The following LHFPL3 variants were observed in gnomAD, a reference collection of about 807,000 sequenced individuals.
LHFPL3 encodes the protein LHFPL tetraspan subfamily member 3 protein.
In LHFPL3, 5 loss-of-function variants were observed where a neutral mutation model predicts 19.3. The observed-to-expected ratio is 0.26, with a 90% confidence interval of 0.14 to 0.54. LHFPL3 has a LOEUF of 0.54. Ranked by LOEUF, LHFPL3 falls within the 20% of genes least tolerant of loss-of-function variation. The pLI is 0.94. For synonymous variants in LHFPL3, 133 were observed against 126.2 expected, an observed-to-expected ratio of 1.05 and a Z score of -0.36; for missense variants, 249 against 307.4, an observed-to-expected ratio of 0.81 and a Z score of 1.42.
chr7:104,633,943 G>C (rs1485884104), intron 1 of LHFPL3, among the ~76,000 whole-genome samples: 4 of 152,174 alleles, frequency 2.6e-5, no homozygotes, highest in African/African-American at 9.7e-5. Flanking sequence ...CCAGCAGCTG[G>C]TGTTGGATAC....
chr7:104,770,675 A>G (rs35293298), intron 2 of LHFPL3, among the ~76,000 whole-genome samples: 20,786 of 152,170 alleles, frequency 0.14, 1,721 homozygotes, highest in Non-Finnish European at 0.19. Context: ...TCAGTAATCA[A>G]TCCTGGCACT....
chr7:104,486,519 T>C (rs1195129279), intron 1 of LHFPL3, among the ~76,000 whole-genome samples: 4 of 152,174 alleles, frequency 2.6e-5, no homozygotes, highest in Non-Finnish European at 5.9e-5. Flanking sequence ...TGTCCTCACA[T>C]GGTGAGAGGA....
chr7:104,879,929 T>C (rs1451521942), intron 2 of LHFPL3, among the ~76,000 whole-genome samples: 1 of 152,092 alleles, frequency 6.6e-6, no homozygotes, highest in Non-Finnish European at 1.5e-5. Flanking sequence ...TGTGATGGTA[T>C]GCCAGTAACT....
At chr7:104,833,033 A>ATATATATATTATATATAATAGATATGT (rs1790995509) in intron 2 of LHFPL3, among the ~76,000 whole-genome samples, 1 of 1,414 alleles carries the variant, frequency 7.1e-4, no homozygotes, top group East Asian at 0.029. Flanking sequence ...TAGATATATT[A>ATATATATATTATATATAATAGATATGT]TATATATATA....
chr7:104,578,414 G>C (rs1257286312), intron 1 of LHFPL3, among the ~76,000 whole-genome samples: 1 of 152,154 alleles, frequency 6.6e-6, no homozygotes, highest in African/African-American at 2.4e-5. Context: ...TCCAGCCAGG[G>C]GTATCCCCTG....
rs150869332 is a variant in LHFPL3 at position 104,607,714 on chromosome 7, T to G, written c.446-128961T>G. Among the ~76,000 whole-genome samples the G allele has an allele frequency of 8.0e-3, 1,217 of 152,078 alleles. 21 individuals are homozygous for G. Among genetic ancestry groups the G allele is most frequent in the African/African-American group, 0.024 (1,000 of 41,476 alleles). ...CTACCGTCAGAGTGAATAGGCAACC[T>G]ACAAAATGGGAGAAAATTTTCGCAA... On this transcript the variant is annotated intron_variant, in intron 1 of 2. Transcript: ENST00000424859.
chr7:104,661,349 A>G (rs1038602607), intron 1 of LHFPL3, among the ~76,000 whole-genome samples: 2 of 152,162 alleles, frequency 1.3e-5, no homozygotes, highest in East Asian at 3.8e-4. Context: ...AATAGTTAAA[A>G]CATCCAGGGC....
intron 1 of LHFPL3, among the ~76,000 whole-genome samples, chr7:104,550,585 A>G (rs1233177014): frequency 2.0e-5 from 3 of 152,208 alleles, no homozygotes; most frequent in Non-Finnish European, 4.4e-5. Context: ...TGATTGCACC[A>G]CAAAGGGGTT....
rs1397806159 is a variant in LHFPL3, at chr7:104,907,862, G to C, written c.*1647G>C. 6.6e-6 allele frequency among the ~76,000 whole-genome samples: 1 copy of C among 152,090 alleles called. No individual in the cohort carries two copies. Among genetic ancestry groups the C allele is most frequent in the African/African-American group, 2.4e-5 (1 of 41,412 alleles). On this transcript the variant is annotated 3_prime_UTR_variant, in exon 3 of 3. Coordinates refer to ENST00000424859, the MANE Select transcript of LHFPL3 (RefSeq NM_199000.3). Reference sequence around the variant, plus strand: ...CCATAAATGGCATTATGTTTCAAATGGCTAAAAGCATATTATGGGTATGCT... The same window carrying C: ...CCATAAATGGCATTATGTTTCAAATCGCTAAAAGCATATTATGGGTATGCT...
In LHFPL3 at chr7:104,614,557, G is replaced by T. The variant is rs74301010; in HGVS notation, c.446-122118G>T. On this transcript the variant is annotated intron_variant, in intron 1 of 2. Transcript: ENST00000424859. ...CCAAATTCCTCCAGGACTACAGTAC[G>T]GTACTGTCCAAAGAGCCTCCTCTTC... Among the ~76,000 whole-genome samples, 624 of 148,336 alleles carry T rather than the reference G, an allele frequency of 4.2e-3. 34 individuals are homozygous for T. The East Asian group carries it at 0.1, about 25-fold the overall frequency.
intron 1 of LHFPL3, among the ~76,000 whole-genome samples, chr7:104,462,574 C>G (rs1236911495): frequency 6.6e-6 from 1 of 152,134 alleles, no homozygotes; most frequent in Non-Finnish European, 1.5e-5. Flanking sequence ...AACCTTGTAT[C>G]CCGGGAATGA....
At chr7:104,668,367 A>G in intron 1 of LHFPL3, 2 of 1,592,492 alleles carry the variant, frequency 1.3e-6, no homozygotes, top group South Asian at 1.1e-5. Context: ...TGCTACAGAC[A>G]CCTTTGATGA....
At chr7:104,871,728 G>T (rs1024774266) in intron 2 of LHFPL3, among the ~76,000 whole-genome samples, 1 of 151,786 alleles carries the variant, frequency 6.6e-6, no homozygotes, top group Non-Finnish European at 1.5e-5. Flanking sequence ...GCTCAGTCTC[G>T]GTTCACTGCA....
At chr7:104,557,706 T>A (rs1789877069) in intron 1 of LHFPL3, among the ~76,000 whole-genome samples, 1 of 152,008 alleles carries the variant, frequency 6.6e-6, no homozygotes, top group African/African-American at 2.4e-5. Flanking sequence ...ACTTTAAGTT[T>A]TAGGGTACAT....
chr7:104,404,943 C>T (rs1041132127), intron 1 of LHFPL3, among the ~76,000 whole-genome samples: 3 of 152,034 alleles, frequency 2.0e-5, no homozygotes, highest in African/African-American at 7.2e-5. Flanking sequence ...TTAGGTTCTC[C>T]AATTTGTTGT....
intron 1 of LHFPL3, among the ~76,000 whole-genome samples, chr7:104,409,131 C>G (rs919039388): frequency 2.0e-5 from 3 of 151,712 alleles, no homozygotes; most frequent in Non-Finnish European, 2.9e-5. Context: ...CCACCTCGGC[C>G]TCCCAAAATG....
chr7:104,576,823 A>G lies in LHFPL3; in HGVS notation c.446-159852A>G, dbSNP rs142092024. 5.0e-3 allele frequency among the ~76,000 whole-genome samples: 755 copies of G among 152,252 alleles called. 5 individuals are homozygous for G. The highest frequency in any genetic ancestry group is 0.017 in the African/African-American group (695 of 41,550). On this transcript the variant is annotated intron_variant, in intron 1 of 2. Coordinates refer to ENST00000424859, the MANE Select transcript of LHFPL3 (RefSeq NM_199000.3). ...GATATGTTATAAAAAGGAAAGTATT[A>G]CCGCCCAAATTCCAAAAGCCATCAG... is the stretch of plus-strand genomic sequence containing the variant.
intron 1 of LHFPL3, among the ~76,000 whole-genome samples, chr7:104,534,584 C>A (rs913401825): frequency 3.9e-5 from 6 of 152,206 alleles, no homozygotes; most frequent in African/African-American, 1.4e-4. Flanking sequence ...GGCCCTGGAG[C>A]TACAGTTTAA....
rs183013488 is a variant in LHFPL3 at position 104,883,573 on chromosome 7, G to A, written c.683-22614G>A. Among the ~76,000 whole-genome samples the A allele has an allele frequency of 2.5e-3, 377 of 152,246 alleles. 2 individuals carry two copies. The highest frequency in any genetic ancestry group is 4.6e-3 in the Non-Finnish European group (314 of 68,018). Reference sequence around the variant, plus strand: ...GTTCTCTGAGCCTATATGGTTGGAGGGAAGGTGAGGTGTGTGCAGCTGTGA... The same window carrying A: ...GTTCTCTGAGCCTATATGGTTGGAGAGAAGGTGAGGTGTGTGCAGCTGTGA... On this transcript the variant is annotated intron_variant, in intron 2 of 2. Transcript: ENST00000424859.
Sources: gnomAD v4.1 joint callset for allele counts (sites outside exome capture counted in the v4.1 genomes callset) on GRCh38, gnomAD v4.1.1 for gene constraint, MANE v1.5 for transcripts, NCBI Gene and HGNC (gene_info 2026-07-23, HGNC 2026-07-21) for gene names.